The following ROR2 variants were observed in gnomAD, a reference collection of about 807,000 sequenced individuals.
The protein encoded by ROR2 is tyrosine-protein kinase transmembrane receptor ROR2.
In ROR2, 33 loss-of-function variants were observed where a neutral mutation model predicts 74.9. The ratio of observed to expected loss-of-function variants is 0.44; its 90% confidence interval spans 0.33 to 0.59. The LOEUF (loss-of-function observed/expected upper bound fraction) is 0.59. ROR2 is among the 20% of genes least tolerant of loss of function. The pLI is 0.02. For synonymous variants in ROR2, 586 were observed against 558.7 expected, an observed-to-expected ratio of 1.05 and a Z score of -0.69; for missense variants, 1,216 against 1,313.8, an observed-to-expected ratio of 0.93 and a Z score of 1.15.
chr9:91,888,801 C>T (rs1830352340), intron 1 of ROR2, among the ~76,000 whole-genome samples: 1 of 152,206 alleles, frequency 6.6e-6, no homozygotes, highest in South Asian at 2.1e-4. Context: ...AGACCTCTGG[C>T]TGGCTGTGTC....
At chr9:91,866,572 C>A (rs762345588) in intron 1 of ROR2, among the ~76,000 whole-genome samples, 1 of 152,058 alleles carries the variant, frequency 6.6e-6, no homozygotes, top group Admixed American at 6.6e-5. Context: ...TGCGCCACCA[C>A]GCTTAGCTAA....
chr9:91,927,562 C>CTTTTTTTTTT lies in ROR2; in HGVS notation c.97+22295_97+22304dup, dbSNP rs775823582. On this transcript the variant is annotated intron_variant, in intron 1 of 8. Transcript: ENST00000375708. ...TGGCTGGCTCTGTGTTTTCTAGATTCTTTTTTTTTTTTTTTTTTTTTGAGA... is the reference window on the plus strand; with the variant it reads ...TGGCTGGCTCTGTGTTTTCTAGATTCTTTTTTTTTTTTTTTTTTTTTTTTTTTTTTTGAGA... 8.8e-3 allele frequency among the ~76,000 whole-genome samples: 831 copies of CTTTTTTTTTT among 94,928 alleles called. 58 individuals are homozygous for CTTTTTTTTTT. Among genetic ancestry groups the CTTTTTTTTTT allele is most frequent in the African/African-American group, 0.017 (373 of 22,600 alleles). The allele number at this position is 94,928 out of a possible 152,430, so 62.3% of individuals were successfully genotyped here. A position where few individuals can be genotyped will look rare whatever the true frequency, so the allele number is the denominator to read the frequency against.
At chr9:91,926,543 CAAAAA>C (rs34550588) in intron 1 of ROR2, among the ~76,000 whole-genome samples, 6 of 101,140 alleles carry the variant, frequency 5.9e-5, no homozygotes, top group East Asian at 5.8e-4. Flanking sequence ...GACTCCATCT[CAAAAA>C]AAAAAAAAAA....
At chr9:91,794,495 AG>A (rs1438903870) in intron 1 of ROR2, among the ~76,000 whole-genome samples, 1 of 151,220 alleles carries the variant, frequency 6.6e-6, no homozygotes, top group Admixed American at 6.6e-5. Flanking sequence ...CAGAAATCCC[AG>A]AAGAAACAAA....
intron 2 of ROR2, among the ~76,000 whole-genome samples, chr9:91,766,011 C>A (rs1826048153): frequency 6.6e-6 from 1 of 152,160 alleles, no homozygotes; most frequent in Non-Finnish European, 1.5e-5. Flanking sequence ...TTTCTTATTT[C>A]ATTTACTCTC....
chr9:91,830,087 AG>A (rs1828417755), intron 1 of ROR2, among the ~76,000 whole-genome samples: 1 of 152,332 alleles, frequency 6.6e-6, no homozygotes, highest in East Asian at 1.9e-4. Flanking sequence ...TATCTTTAAA[AG>A]TTTTCCTCAT....
intron 1 of ROR2, chr9:91,883,148 G>C (rs1232731740): frequency 6.6e-6 from 1 of 152,154 alleles, no homozygotes; most frequent in African/African-American, 2.4e-5. Flanking sequence ...ACCCAAATCT[G>C]AAACACTTCT....
Position 91,724,614 on chromosome 9 carries a change from A to T in ROR2, c.1880T>A (p.Leu627Gln), listed in dbSNP as rs1379764303. ...GCCCAAGTCTGAGATCTTCACGTTCAGCTTGTCGTACACTAGCACATTGCG... is the reference window on the plus strand; with the variant it reads ...GCCCAAGTCTGAGATCTTCACGTTCTGCTTGTCGTACACTAGCACATTGCG... ...ATRNVLVYDK[L>Q]NVKISDLGLF... The change falls in exon 9 of 9, where the codon CTG becomes CAG. Residue 627 changes from leucine to glutamine, a missense_variant. Transcript: ENST00000375708. 6.2e-7 allele frequency: 1 copy of T among 1,614,084 alleles called. No individual in the cohort carries two copies. Among genetic ancestry groups the T allele is most frequent in the Non-Finnish European group, 8.5e-7 (1 of 1,180,050 alleles).
In ROR2 at chr9:91,733,125, G is replaced by T; in HGVS notation, c.934C>A (p.Arg312Ser). The T allele has an allele frequency of 1.3e-6, 2 of 1,592,642 alleles. No individual in the cohort carries two copies. Among genetic ancestry groups the T allele is most frequent in the Admixed American group, 1.8e-5 (1 of 56,908 alleles). The change falls in exon 6 of 9, where the codon CGC becomes AGC. Residue 312 changes from arginine to serine, a missense_variant. Physicochemically the swap from Arg to Ser is moderately radical, Grantham distance 110. Coordinates refer to ENST00000375708, the MANE Select transcript of ROR2 (RefSeq NM_004560.4). This position sits in a 1 kb window ranked among gnomAD's most constrained non-coding sequence, Gnocchi z 5.7. Reference protein sequence around the residue: ...RIGIPAERLGRYHQCYNGSGM... With the variant: ...RIGIPAERLGSYHQCYNGSGM... ...CCCCGGGCCCTCGGGCACTCACAGC[G>T]GCCCAGCCTCTCGGCTGGGATGCCA...
At chr9:91,881,549 T>C (rs73519137) in intron 1 of ROR2, among the ~76,000 whole-genome samples, 3,900 of 152,352 alleles carry the variant, frequency 0.026, 118 homozygotes, top group Middle Eastern at 0.092. Context: ...AGTGAAGACT[T>C]ACTGTTAGTA....
At chr9:91,781,449 A>G (rs1826617281) in intron 1 of ROR2, among the ~76,000 whole-genome samples, 1 of 152,246 alleles carries the variant, frequency 6.6e-6, no homozygotes, top group South Asian at 2.1e-4. Flanking sequence ...TTAAGGAAGA[A>G]AAGTTAAAAA....
chr9:91,881,719 C>T (rs1368409457), intron 1 of ROR2, among the ~76,000 whole-genome samples: 1 of 152,094 alleles, frequency 6.6e-6, no homozygotes, highest in Non-Finnish European at 1.5e-5. Context: ...TATCAGGCCT[C>T]ATTAGCGAAG....
In ROR2 at chr9:91,737,378, CT is replaced by C. The variant is rs774526551; in HGVS notation, c.622+12del. On this transcript the variant is annotated intron_variant, in intron 5 of 8. Coordinates refer to ENST00000375708, the MANE Select transcript of ROR2 (RefSeq NM_004560.4). ...ATGCTTATCATCCTGGGAGAAAGGT[CT>C]GCAGCTCCTACCTGTGATTCGGTTT... is the stretch of plus-strand genomic sequence containing the variant. The C allele has an allele frequency of 6.2e-7, 1 of 1,613,998 alleles. No homozygotes were observed. The highest frequency in any genetic ancestry group is 1.3e-5 in the African/African-American group (1 of 74,938).
At chr9:91,932,607 T>C (rs1214716863) in intron 1 of ROR2, among the ~76,000 whole-genome samples, 1 of 151,254 alleles carries the variant, frequency 6.6e-6, no homozygotes, top group African/African-American at 2.4e-5. Flanking sequence ...GAGGTTGCAG[T>C]GAGCCAAGAT....
intron 1 of ROR2, among the ~76,000 whole-genome samples, chr9:91,918,392 A>G (rs898130744): frequency 1.2e-4 from 18 of 152,202 alleles, no homozygotes; most frequent in Admixed American, 3.9e-4. Flanking sequence ...AACTGTTCTC[A>G]GCACATGTGG....
intron 1 of ROR2, among the ~76,000 whole-genome samples, chr9:91,886,499 C>A (rs959432038): frequency 1.3e-5 from 2 of 152,030 alleles, no homozygotes; most frequent in African/African-American, 4.8e-5. Context: ...TGTGCACCCA[C>A]GCACGGCGCG....
Position 91,724,866 on chromosome 9 carries a change from A to G in ROR2, c.1628T>C (p.Val543Ala), listed in dbSNP as rs1478940666. The G allele has an allele frequency of 1.2e-6, 2 of 1,601,780 alleles. No individual in the cohort carries two copies. The highest frequency in any genetic ancestry group is 3.4e-5 in the Admixed American group (2 of 59,614). ...CATGCTCAGGGGCTGGTCCTTGGTC[A>G]CCACGCCCAGCAGGCAGACGACGTT... ...HPNVVCLLGV[V>A]TKDQPLSMIF... Residue 543 changes from valine (V) to alanine (A), a missense_variant, in exon 9 of 9, where the codon GTG becomes GCG. Coordinates refer to ENST00000375708, the MANE Select transcript of ROR2 (RefSeq NM_004560.4).
intron 1 of ROR2, among the ~76,000 whole-genome samples, chr9:91,796,675 T>A (rs1250066609): frequency 6.7e-6 from 1 of 149,640 alleles, no homozygotes; most frequent in African/African-American, 2.5e-5. Context: ...GGCCTGACAG[T>A]CTGGGCTAGT....
intron 2 of ROR2, among the ~76,000 whole-genome samples, chr9:91,769,373 G>A (rs140989569): frequency 7.2e-5 from 11 of 152,246 alleles, no homozygotes; most frequent in Middle Eastern, 3.4e-3. Flanking sequence ...GCCCACCCTG[G>A]CCTCCTTGGT....
Sources: gnomAD v4.1 joint callset for allele counts (sites outside exome capture counted in the v4.1 genomes callset) on GRCh38, gnomAD v4.1.1 for gene constraint, Gnocchi (gnomAD v3.1) non-coding constraint, MANE v1.5 for transcripts, NCBI Gene and HGNC (gene_info 2026-07-23, HGNC 2026-07-21) for gene names.